ULK4: variants seen among roughly 807,000 people sequenced by gnomAD.
The protein encoded by ULK4 is unc-51 like kinase 4, also known as inactive serine/threonine-protein kinase ULK4.
ULK4 carries 133 observed loss-of-function variants against 160.6 expected under a neutral mutation model. The observed-to-expected ratio is 0.83, with a 90% CI of 0.72 to 0.96. The LOEUF (loss-of-function observed/expected upper bound fraction) is 0.96, where lower values mean the gene tolerates loss of function less well. ULK4 is among the 40% of genes least tolerant of loss of function. ULK4 has a pLI of 0.00. For missense variants in ULK4, 1,580 were observed against 1,499.5 expected (o/e 1.05, Z -0.89); for synonymous variants, 534 against 539.8 (o/e 0.99, Z 0.15).
At chr3:41,443,219 T>A (rs2083213014) in intron 34 of ULK4, among the ~76,000 whole-genome samples, 1 of 152,226 alleles carries the variant, frequency 6.6e-6, no homozygotes, top group Non-Finnish European at 1.5e-5. Flanking sequence ...GTTTCAATAA[T>A]CCTACAGTCA....
intron 17 of ULK4, among the ~76,000 whole-genome samples, chr3:41,842,536 G>A (rs1346221554): frequency 6.6e-6 from 1 of 151,782 alleles, no homozygotes; most frequent in African/African-American, 2.4e-5. Flanking sequence ...GTGGGATTGA[G>A]TGAGTTCTCA....
chr3:41,501,830 T>A (rs1005978637), intron 32 of ULK4, among the ~76,000 whole-genome samples: 1 of 152,154 alleles, frequency 6.6e-6, no homozygotes, highest in Non-Finnish European at 1.5e-5. Flanking sequence ...TCCCTGCACC[T>A]CACCCCTCCC....
At chr3:41,529,631 T>C (rs955598927) in intron 32 of ULK4, among the ~76,000 whole-genome samples, 4 of 152,134 alleles carry the variant, frequency 2.6e-5, no homozygotes, top group Non-Finnish European at 5.9e-5. Flanking sequence ...ACTACAGGTG[T>C]GCAACACCCT....
intron 35 of ULK4, among the ~76,000 whole-genome samples, chr3:41,260,618 T>C (rs972801803): frequency 6.6e-6 from 1 of 152,200 alleles, no homozygotes; most frequent in Admixed American, 6.5e-5. Context: ...GAGGTGTCCC[T>C]AAGGATTCCC....
intron 34 of ULK4, among the ~76,000 whole-genome samples, chr3:41,421,249 T>C (rs1486026806): frequency 6.6e-6 from 1 of 152,230 alleles, no homozygotes; most frequent in Non-Finnish European, 1.5e-5. Context: ...TATAACAATC[T>C]TATTAACTGC....
At chr3:41,412,547 A>G (rs1219803227) in intron 34 of ULK4, among the ~76,000 whole-genome samples, 1 of 122,356 alleles carries the variant, frequency 8.2e-6, no homozygotes, top group Non-Finnish European at 1.8e-5. Flanking sequence ...ATGGCAATGC[A>G]GTTGAATTTT....
chr3:41,334,442 TATG>T (rs2125743916), intron 35 of ULK4, among the ~76,000 whole-genome samples: 1 of 152,304 alleles, frequency 6.6e-6, no homozygotes, highest in South Asian at 2.1e-4. Context: ...TATGAACCTA[TATG>T]ATGACTCTGG....
intron 32 of ULK4, among the ~76,000 whole-genome samples, chr3:41,469,514 G>T (rs896285245): frequency 7.1e-6 from 1 of 140,648 alleles, no homozygotes; most frequent in Non-Finnish European, 1.5e-5. Context: ...CATCTAGAGA[G>T]CCCAAAGCAA....
chr3:41,834,136 A>C lies in ULK4; in HGVS notation c.1764+1728T>G, dbSNP rs182656967. Among the ~76,000 whole-genome samples the C allele has an allele frequency of 5.9e-3, 895 of 151,904 alleles. 10 individuals carry two copies. The highest frequency in any genetic ancestry group is 0.02 in the African/African-American group (830 of 41,520). On this transcript the variant is annotated intron_variant, in intron 18 of 36. Transcript: ENST00000301831. ...AAAACTAGGAAAAAGACTTCTCCCCATATACCTTTCTTCACTTTCCAGTGT... is the reference window on the plus strand; with the variant it reads ...AAAACTAGGAAAAAGACTTCTCCCCCTATACCTTTCTTCACTTTCCAGTGT...
chr3:41,462,351 T>A (rs1236151870), intron 33 of ULK4, among the ~76,000 whole-genome samples: 1 of 152,200 alleles, frequency 6.6e-6, no homozygotes, highest in Non-Finnish European at 1.5e-5. Flanking sequence ...TGCAATTGTA[T>A]CAGGATTTTA....
intron 17 of ULK4, among the ~76,000 whole-genome samples, chr3:41,869,778 T>C (rs1224481507): frequency 6.6e-6 from 1 of 152,266 alleles, no homozygotes; most frequent in East Asian, 1.9e-4. Flanking sequence ...TTATGAAAAA[T>C]TGTTTATTTT....
At chr3:41,793,010 T>TA (rs760272888) in intron 20 of ULK4, among the ~76,000 whole-genome samples, 21 of 152,142 alleles carry the variant, frequency 1.4e-4, no homozygotes, top group Non-Finnish European at 2.9e-4. Flanking sequence ...ACATCTCTAC[T>TA]AAAAATACAA....
At chr3:41,717,069 GA>G (rs890706455) in intron 23 of ULK4, among the ~76,000 whole-genome samples, 10 of 151,806 alleles carry the variant, frequency 6.6e-5, no homozygotes, top group Non-Finnish European at 1.5e-4. Context: ...GAGGGATGAG[GA>G]AAAAAAGTGG....
intron 35 of ULK4, among the ~76,000 whole-genome samples, chr3:41,387,318 A>T (rs1323586188): frequency 4.6e-5 from 7 of 152,158 alleles, no homozygotes. Context: ...CTACAACGGT[A>T]TAGAATGCTA....
intron 29 of ULK4, among the ~76,000 whole-genome samples, chr3:41,675,995 T>C (rs2035699769): frequency 6.6e-6 from 1 of 152,272 alleles, no homozygotes; most frequent in Non-Finnish European, 1.5e-5. Context: ...TAAATGAGCC[T>C]GGAAGCAGAT....
chr3:41,841,452 C>T (rs529654094), intron 17 of ULK4, among the ~76,000 whole-genome samples: 6 of 149,948 alleles, frequency 4.0e-5, no homozygotes, highest in East Asian at 2.0e-4. Context: ...CACCTCTGCC[C>T]GGCCGCCCCG....
At chr3:41,565,213 G>A (rs62256902) in intron 32 of ULK4, among the ~76,000 whole-genome samples, 2,789 of 152,280 alleles carry the variant, frequency 0.018, 46 homozygotes, top group Middle Eastern at 0.041. Context: ...ACAGATTGCC[G>A]TAGTTACGTA....
At chr3:41,667,862 C>T (rs927106712) in intron 29 of ULK4, among the ~76,000 whole-genome samples, 5 of 152,126 alleles carry the variant, frequency 3.3e-5, no homozygotes, top group Non-Finnish European at 5.9e-5. Flanking sequence ...ATATTCGGGA[C>T]CTAAGGCAAG....
intron 35 of ULK4, among the ~76,000 whole-genome samples, chr3:41,259,304 G>A (rs568018547): frequency 3.3e-5 from 5 of 152,170 alleles, no homozygotes; most frequent in Non-Finnish European, 7.4e-5. Flanking sequence ...GTAAAGTAGT[G>A]GTTTTAAACA....
Sources: allele counts gnomAD v4.1 joint callset (sites outside exome capture counted in the v4.1 genomes callset), GRCh38; gene constraint gnomAD v4.1.1; transcripts MANE v1.5; gene names NCBI Gene and HGNC (gene_info 2026-07-23, HGNC 2026-07-21).